Variants in FKBP3 observed in about 807,000 individuals in gnomAD.
FKBP3 encodes the protein peptidyl-prolyl cis-trans isomerase FKBP3.
In FKBP3, 21 loss-of-function variants were observed where a neutral mutation model predicts 30.6. The observed-to-expected ratio is 0.69, with a 90% confidence interval of 0.49 to 0.99. The LOEUF is 0.99. Among genes scored for constraint, FKBP3 ranks in the 50% least tolerant of loss-of-function variants. The pLI is 0.00. For missense variants in FKBP3, 283 were observed against 261.6 expected (o/e 1.08, Z -0.56); for synonymous variants, 82 against 91.3 (o/e 0.90, Z 0.58).
chr14:45,129,283 A>C (rs1276549274), intron 3 of FKBP3, among the ~76,000 whole-genome samples: 1 of 152,208 alleles, frequency 6.6e-6, no homozygotes, highest in Admixed American at 6.5e-5. Flanking sequence ...TCTTAGCTCT[A>C]CTAAGGCTGT....
intron 3 of FKBP3, among the ~76,000 whole-genome samples, chr14:45,126,359 G>A (rs1049218649): frequency 2.0e-5 from 3 of 151,980 alleles, no homozygotes; most frequent in Admixed American, 1.3e-4. Flanking sequence ...GTTGTGGTGT[G>A]CGCCTGTAAT....
At chr14:45,121,444 A>C in intron 4 of FKBP3, 41 bp downstream of exon 4, 1 of 1,568,644 alleles carries the variant, frequency 6.4e-7, no homozygotes, top group Non-Finnish European at 8.7e-7. Context: ...AGTATTTAGA[A>C]TCTCTTTAAG....
chr14:45,120,791 C>G (rs1884968387), intron 5 of FKBP3, 96 bp downstream of exon 5: 10 of 993,832 alleles, frequency 1.0e-5, no homozygotes, highest in Middle Eastern at 4.2e-4. Context: ...AGTCTGTTTC[C>G]TTTGTATTAT....
chr14:45,116,886 T>G (rs1884855420), intron 6 of FKBP3, among the ~76,000 whole-genome samples: 1 of 151,550 alleles, frequency 6.6e-6, no homozygotes, highest in Admixed American at 6.6e-5. Flanking sequence ...TATGCTAACT[T>G]AAGAGTTATA....
intron 3 of FKBP3, among the ~76,000 whole-genome samples, chr14:45,126,552 A>G (rs919701263): frequency 6.6e-6 from 1 of 152,086 alleles, no homozygotes; most frequent in African/African-American, 2.4e-5. Context: ...AGCAGCAGCC[A>G]CATTTTGGAA....
chr14:45,120,530 C>A (rs961430342), intron 5 of FKBP3, among the ~76,000 whole-genome samples: 4 of 152,040 alleles, frequency 2.6e-5, no homozygotes, highest in Admixed American at 6.6e-5. Context: ...TTTACAGGAA[C>A]CTTAAATTTA....
rs779246024 is a variant in FKBP3 at position 45,120,938 on chromosome 14, TTTC to T, written c.468_470del (p.Lys157del). The T allele has an allele frequency of 8.7e-6, 14 of 1,613,068 alleles. No homozygotes were observed. The East Asian group carries it at 8.9e-5, about 10-fold the overall frequency. ...CCTTAAAACTTAAAGGCTTGGCATT[TTTC>T]TTCTTCTTTGCACCTGTAAAACAGA... On this transcript the variant is annotated inframe_deletion, in exon 5 of 7. Transcript: ENST00000396062.
At position 45,116,203 on chromosome 14, in the gene FKBP3, C is replaced by A; in HGVS notation, c.670G>T (p.Asp224Tyr). The A allele has an allele frequency of 6.2e-7, 1 of 1,609,896 alleles. No individual in the cohort carries two copies. Among genetic ancestry groups the A allele is most frequent in the Non-Finnish European group, 8.5e-7 (1 of 1,176,362 alleles). ...LTFEVELVDID is the reference protein window; with the variant it reads ...LTFEVELVDIY Reference sequence around the variant, plus strand: ...AGAGCTGAAGCACTGCTATTTCAATCAATATCCACTAATTCCACTTCAAAA... The same window carrying A: ...AGAGCTGAAGCACTGCTATTTCAATAAATATCCACTAATTCCACTTCAAAA... Residue 224 changes from aspartate (D) to tyrosine (Y), a missense_variant, in exon 7 of 7, where the codon GAT becomes TAT. Coordinates refer to ENST00000396062, the MANE Select transcript of FKBP3 (RefSeq NM_002013.4).
Position 45,115,933 on chromosome 14 carries a change from C to CTTAAG in FKBP3, c.*260_*264dup. On this transcript the variant is annotated 3_prime_UTR_variant, in exon 7 of 7. Transcript: ENST00000396062. The stretch of plus-strand genomic sequence containing the variant: ...CAGTGGATCAATTTTTATTGAGCCA[C>CTTAAG]TTAAGTTTACAACATGAGGTAAAAG... 2.6e-6 allele frequency: 1 copy of CTTAAG among 387,586 alleles called. No homozygotes were observed. The highest frequency in any genetic ancestry group is 7.6e-4 in the Middle Eastern group (1 of 1,314). 24.0% of individuals were successfully genotyped at this position (387,586 alleles called of 1,614,324 possible).
chr14:45,119,689 ATT>A (rs1388630873), intron 5 of FKBP3, among the ~76,000 whole-genome samples: 5 of 143,622 alleles, frequency 3.5e-5, no homozygotes, highest in Admixed American at 7.0e-5. Context: ...GCAGGTAACA[ATT>A]TTTTTTTTTT....
chr14:45,122,231 TGA>T (rs1885000779), intron 3 of FKBP3, among the ~76,000 whole-genome samples: 1 of 152,018 alleles, frequency 6.6e-6, no homozygotes, highest in South Asian at 2.1e-4. Flanking sequence ...AATTCATATA[TGA>T]GAGGAAAGCA....
intron 1 of FKBP3, among the ~76,000 whole-genome samples, 189 bp downstream of exon 1, chr14:45,134,160 C>G (rs918544852): frequency 3.3e-5 from 5 of 152,220 alleles, no homozygotes; most frequent in Admixed American, 1.3e-4. Flanking sequence ...CTCCCCTGCC[C>G]CAGTAGAGAA....
intron 3 of FKBP3, among the ~76,000 whole-genome samples, chr14:45,122,569 C>A (rs1885008626): frequency 6.6e-6 from 1 of 151,664 alleles, no homozygotes; most frequent in Middle Eastern, 3.4e-3. Flanking sequence ...GGTGTGATCT[C>A]GGCTCACTGC....
intron 1 of FKBP3, among the ~76,000 whole-genome samples, chr14:45,131,759 A>C (rs932823353): frequency 8.5e-5 from 13 of 152,166 alleles, no homozygotes; most frequent in African/African-American, 3.1e-4. Context: ...GAGTTGATAT[A>C]AGGATAAAAT....
chr14:45,116,410 C>A, intron 6 of FKBP3, 158 bp from the exon 7 acceptor site: 1 of 550,620 alleles, frequency 1.8e-6, no homozygotes, highest in South Asian at 2.6e-5. Flanking sequence ...CTAAATTAGC[C>A]ACCACTTAAT....
intron 3 of FKBP3, among the ~76,000 whole-genome samples, chr14:45,125,575 TAATA>T (rs1335853056): frequency 1.3e-5 from 2 of 152,210 alleles, no homozygotes; most frequent in Non-Finnish European, 2.9e-5. Flanking sequence ...CAATGCTATT[TAATA>T]TATAATAGAC....
chr14:45,125,583 AAT>A (rs1885078326), intron 3 of FKBP3, among the ~76,000 whole-genome samples: 3 of 152,336 alleles, frequency 2.0e-5, no homozygotes, highest in South Asian at 4.1e-4. Context: ...TTTAATATAT[AAT>A]AGACAATAAA....
intron 6 of FKBP3, among the ~76,000 whole-genome samples, chr14:45,117,671 A>G (rs1441898080): frequency 6.6e-6 from 1 of 152,202 alleles, no homozygotes; most frequent in Non-Finnish European, 1.5e-5. Flanking sequence ...TAAAATTACC[A>G]TGAGCCATAT....
At chr14:45,120,728 T>A (rs1018955689) in intron 5 of FKBP3, among the ~76,000 whole-genome samples, 159 bp downstream of exon 5, 4 of 152,176 alleles carry the variant, frequency 2.6e-5, no homozygotes, top group African/African-American at 9.7e-5. Flanking sequence ...GAGACCGAGA[T>A]AACTTGTGCA....
Sources: allele counts gnomAD v4.1 joint callset (sites outside exome capture counted in the v4.1 genomes callset), GRCh38; gene constraint gnomAD v4.1.1; transcripts MANE v1.5; gene names NCBI Gene and HGNC (gene_info 2026-07-23, HGNC 2026-07-21).